The following BMP2K variants were observed in gnomAD, a reference collection of about 807,000 sequenced individuals.
BMP2K encodes BMP-2-inducible protein kinase.
Under a neutral mutation model 116.0 loss-of-function variants are expected in BMP2K, and 74 were observed. That is an observed-to-expected ratio of 0.64 (90% CI 0.53 to 0.77). The LOEUF (loss-of-function observed/expected upper bound fraction) is 0.77. Among genes scored for constraint, BMP2K ranks in the 30% least tolerant of loss-of-function variants. The probability of loss-of-function intolerance (pLI) is 0.00; values close to 1 mark genes in which losing one functional copy is unlikely to be tolerated. For missense variants in BMP2K, 1,365 were observed against 1,403.6 expected (o/e 0.97, Z 0.44); for synonymous variants, 486 against 502.5 (o/e 0.97, Z 0.44).
At chr4:78,790,152 A>G (rs1401781035) in intron 1 of BMP2K, among the ~76,000 whole-genome samples, 2 of 152,166 alleles carry the variant, frequency 1.3e-5, no homozygotes, top group African/African-American at 4.8e-5. Context: ...ATGACATGAC[A>G]TTACTTTTAT....
chr4:78,911,518 A>G lies in BMP2K; in HGVS notation c.2971A>G (p.Lys991Glu). The part of the protein sequence containing the change: ...RQRRTKQDMS[K>E]SNGKRHHGTP... ...AAGGCGCACAAAGCAGGATATGTCC[A>G]AAAGTAATGGGAAGCGGCATCATGG... The change falls in exon 16 of 16, where the codon AAA becomes GAA. Residue 991 changes from lysine to glutamate, a missense_variant. Lys to Glu is a moderately conservative substitution (Grantham distance 56). Transcript: ENST00000502613. 1 of 1,614,054 alleles carries G rather than the reference A, an allele frequency of 6.2e-7. No individual in the cohort carries two copies. Among genetic ancestry groups the G allele is most frequent in the Non-Finnish European group, 8.5e-7 (1 of 1,179,894 alleles).
intron 13 of BMP2K, among the ~76,000 whole-genome samples, chr4:78,876,893 C>T (rs2094577468): frequency 6.6e-6 from 1 of 152,140 alleles, no homozygotes; most frequent in South Asian, 2.1e-4. Flanking sequence ...TAGCCTACTA[C>T]ACATCTAGGC....
At chr4:78,846,717 G>A (rs1224923045) in intron 5 of BMP2K, among the ~76,000 whole-genome samples, 4 of 151,488 alleles carry the variant, frequency 2.6e-5, no homozygotes. Flanking sequence ...AAACTCAAAA[G>A]AGATTTACTA....
chr4:78,823,680 T>TATA, intron 1 of BMP2K, among the ~76,000 whole-genome samples: 1 of 151,340 alleles, frequency 6.6e-6, no homozygotes, highest in East Asian at 1.9e-4. Flanking sequence ...GGGGCCCCAT[T>TATA]ATAGGCCTAC....
intron 15 of BMP2K, among the ~76,000 whole-genome samples, chr4:78,896,595 GATT>G (rs1172593106): frequency 1.3e-5 from 2 of 152,158 alleles, no homozygotes; most frequent in Non-Finnish European, 2.9e-5. Flanking sequence ...ATTTTGTCAT[GATT>G]ATTATACATG....
intron 7 of BMP2K, among the ~76,000 whole-genome samples, chr4:78,853,557 A>G (rs1731357536): frequency 6.6e-6 from 1 of 152,184 alleles, no homozygotes; most frequent in Admixed American, 6.6e-5. Flanking sequence ...CTGAATAGTT[A>G]TGAAGAATGT....
chr4:78,875,193 C>G (rs1456434645), intron 13 of BMP2K, among the ~76,000 whole-genome samples: 1 of 152,020 alleles, frequency 6.6e-6, no homozygotes, highest in Non-Finnish European at 1.5e-5. Flanking sequence ...TCTTCTGTAA[C>G]AATTTAAAAA....
In BMP2K at chr4:78,859,580, G is replaced by A; in HGVS notation, c.884-4G>A. 6.3e-7 allele frequency: 1 copy of A among 1,592,898 alleles called. No homozygotes were observed. The highest frequency in any genetic ancestry group is 8.6e-7 in the Non-Finnish European group (1 of 1,167,378). On this transcript the variant is annotated splice_region_variant and splice_polypyrimidine_tract_variant and intron_variant, in intron 7 of 15. Coordinates refer to ENST00000502613, the MANE Select transcript of BMP2K (RefSeq NM_198892.2). ...CTTCTTAACATTTTGATCTATTCTTGCAGGGTTCATGCTTGAACCAGATCC... is the reference window on the plus strand; with the variant it reads ...CTTCTTAACATTTTGATCTATTCTTACAGGGTTCATGCTTGAACCAGATCC...
In BMP2K at chr4:78,861,442, T is replaced by C. The variant is rs1169059531; in HGVS notation, c.1041T>C (p.Ala347=). ...LPEPMTASEA[A]ARKSQIKARI... Reference sequence around the variant, plus strand: ...AACCGATGACTGCTAGTGAAGCAGCTGCTAGGAAAAGCCAAATAAAAGCCA... The same window carrying C: ...AACCGATGACTGCTAGTGAAGCAGCCGCTAGGAAAAGCCAAATAAAAGCCA... The change falls in exon 9 of 16, where the codon GCT becomes GCC. Residue 347 remains alanine, a synonymous_variant. Coordinates refer to ENST00000502613, the MANE Select transcript of BMP2K (RefSeq NM_198892.2). The C allele has an allele frequency of 6.2e-7, 1 of 1,609,470 alleles. No homozygotes were observed. Among genetic ancestry groups the C allele is most frequent in the African/African-American group, 1.3e-5 (1 of 74,882 alleles).
In BMP2K at chr4:78,810,878, A is replaced by G. The variant is rs576934052; in HGVS notation, c.179-15159A>G. On this transcript the variant is annotated intron_variant, in intron 1 of 15. Coordinates refer to ENST00000502613, the MANE Select transcript of BMP2K (RefSeq NM_198892.2). Reference sequence around the variant, plus strand: ...TAGGGTTGTGAAAAAGTTGATTTTGACAATTTTTGCCAGTATCCTCATTGC... The same window carrying G: ...TAGGGTTGTGAAAAAGTTGATTTTGGCAATTTTTGCCAGTATCCTCATTGC... 1.3e-3 allele frequency among the ~76,000 whole-genome samples: 192 copies of G among 152,326 alleles called. 6 individuals are homozygous for G. In the South Asian group the frequency reaches 0.024, roughly 19 times the overall value.
chr4:78,902,064 G>A (rs1734035479), intron 15 of BMP2K, among the ~76,000 whole-genome samples: 1 of 152,100 alleles, frequency 6.6e-6, no homozygotes, highest in African/African-American at 2.4e-5. Flanking sequence ...GCTACAATGA[G>A]GTGTATTGTT....
At chr4:78,907,684 T>C (rs1223745059) in intron 15 of BMP2K, among the ~76,000 whole-genome samples, 1 of 152,202 alleles carries the variant, frequency 6.6e-6, no homozygotes, top group Non-Finnish European at 1.5e-5. Flanking sequence ...TTAATGAGCA[T>C]ACTCCAGGTG....
At chr4:78,780,888 T>A (rs1240640178) in intron 1 of BMP2K, among the ~76,000 whole-genome samples, 1 of 152,246 alleles carries the variant, frequency 6.6e-6, no homozygotes, top group Admixed American at 6.5e-5. Flanking sequence ...ATGAGAGAAT[T>A]CAGTTTAGAC....
At chr4:78,861,867 A>G (rs1283632988) in intron 9 of BMP2K, among the ~76,000 whole-genome samples, 1 of 151,956 alleles carries the variant, frequency 6.6e-6, no homozygotes, top group East Asian at 1.9e-4. Context: ...TATATAGAAT[A>G]TGTATGTACT....
At chr4:78,840,425 C>T (rs749976407) in intron 3 of BMP2K, among the ~76,000 whole-genome samples, 7 of 152,090 alleles carry the variant, frequency 4.6e-5, no homozygotes, top group Non-Finnish European at 8.8e-5. Flanking sequence ...GTCCCTCCCT[C>T]TGTGCTCTCA....
chr4:78,885,953 A>G (rs1326731855), intron 14 of BMP2K, among the ~76,000 whole-genome samples: 2 of 152,048 alleles, frequency 1.3e-5, no homozygotes, highest in Non-Finnish European at 2.9e-5. Context: ...TTTTAGTAGT[A>G]TTTTTGCATT....
chr4:78,901,709 TTATATAATGTAG>T (rs1734015795), intron 15 of BMP2K, among the ~76,000 whole-genome samples: 1 of 152,196 alleles, frequency 6.6e-6, no homozygotes, highest in South Asian at 2.1e-4. Flanking sequence ...GCTCTGTGAA[TTATATAATGTAG>T]TGTGGACCAC....
At chr4:78,796,539 T>G (rs956117439) in intron 1 of BMP2K, among the ~76,000 whole-genome samples, 1 of 152,066 alleles carries the variant, frequency 6.6e-6, no homozygotes, top group African/African-American at 2.4e-5. Flanking sequence ...AGTATAATAA[T>G]AAAAAAGAGT....
chr4:78,887,214 C>T lies in BMP2K; in HGVS notation c.1992C>T (p.Asp664=), dbSNP rs749783050. The T allele has an allele frequency of 1.1e-5, 17 of 1,611,648 alleles. No homozygotes were observed. In the African/African-American group the frequency reaches 2.0e-4, roughly 19 times the overall value. Reference sequence around the variant, plus strand: ...GAGCATCCTCAGATAAGAATGTAGACTCACTTTCTGCTCCACATAACCATC... The same window carrying T: ...GAGCATCCTCAGATAAGAATGTAGATTCACTTTCTGCTCCACATAACCATC... ...EERASSDKNV[D]SLSAPHNHPP... Residue 664 remains aspartate, a synonymous_variant, in exon 15 of 16, where the codon GAC becomes GAT. Transcript: ENST00000502613.
Sources: gnomAD v4.1 joint callset for allele counts (sites outside exome capture counted in the v4.1 genomes callset) on GRCh38, gnomAD v4.1.1 for gene constraint, MANE v1.5 for transcripts, NCBI Gene and HGNC (gene_info 2026-07-23, HGNC 2026-07-21) for gene names.